KSR2: variants seen among roughly 807,000 people sequenced by gnomAD.
KSR2 encodes the protein kinase suppressor of ras 2.
In KSR2, 25 loss-of-function variants were observed where a neutral mutation model predicts 107.8. The observed-to-expected ratio is 0.23, with a 90% CI of 0.17 to 0.32. The LOEUF is 0.32. KSR2 is among the 10% of genes least tolerant of loss of function. KSR2 has a pLI of 1.00. For missense variants in KSR2, 887 were observed against 1,268.9 expected, an observed-to-expected ratio of 0.70 and a Z score of 4.57; for synonymous variants, 480 against 507.0, an observed-to-expected ratio of 0.95 and a Z score of 0.71.
chr12:117,656,636 C>T (rs1231394036), intron 5 of KSR2, among the ~76,000 whole-genome samples: 2 of 152,152 alleles, frequency 1.3e-5, no homozygotes, highest in African/African-American at 4.8e-5. Flanking sequence ...TTTGAGTCAG[C>T]GGGCTAGGGA....
intron 17 of KSR2, among the ~76,000 whole-genome samples, chr12:117,473,329 G>A (rs1012627421): frequency 2.0e-5 from 3 of 152,132 alleles, no homozygotes; most frequent in South Asian, 2.1e-4. Context: ...AAAACAGGAG[G>A]CATTATTATT....
intron 14 of KSR2, among the ~76,000 whole-genome samples, chr12:117,505,130 C>T (rs558120125): frequency 6.6e-6 from 1 of 152,116 alleles, no homozygotes; most frequent in Non-Finnish European, 1.5e-5. Flanking sequence ...ATATATACCA[C>T]ATTTTCTTTA....
chr12:117,868,876 G>A (rs1039962789), intron 1 of KSR2, among the ~76,000 whole-genome samples: 9 of 151,774 alleles, frequency 5.9e-5, no homozygotes, highest in Non-Finnish European at 5.9e-5. Context: ...TCAGCCTCCC[G>A]AGTAGGTGGG....
chr12:117,849,974 C>G (rs867321160), intron 3 of KSR2, among the ~76,000 whole-genome samples: 1 of 152,238 alleles, frequency 6.6e-6, no homozygotes. Flanking sequence ...CAATATCACC[C>G]TCAAGAAGTA....
rs140213523 is a variant in KSR2 at position 117,632,970 on chromosome 12, T to C, written c.1171+34504A>G. ...GGCATTGAGGTGGATTCCATGTCTT[T>C]GCTATTGTGAATAGTGCTGTAATGA... On this transcript the variant is annotated intron_variant, in intron 5 of 19. Coordinates refer to ENST00000339824, the MANE Select transcript of KSR2 (RefSeq NM_173598.6). Among the ~76,000 whole-genome samples the C allele has an allele frequency of 3.4e-4, 52 of 152,320 alleles. No homozygotes were observed. The East Asian group carries it at 9.8e-3, about 29-fold the overall frequency.
chr12:117,572,331 G>A (rs1047385652), intron 7 of KSR2, among the ~76,000 whole-genome samples: 2 of 152,134 alleles, frequency 1.3e-5, no homozygotes, highest in African/African-American at 4.8e-5. Flanking sequence ...AAGTATCTGG[G>A]ATGCTTAGTA....
chr12:117,929,059 C>T (rs1895619309), intron 1 of KSR2, among the ~76,000 whole-genome samples: 1 of 152,210 alleles, frequency 6.6e-6, no homozygotes, highest in Non-Finnish European at 1.5e-5. Flanking sequence ...AACCCAGCAC[C>T]ATCACCAAGT....
chr12:117,593,947 A>C (rs922461204), intron 5 of KSR2, among the ~76,000 whole-genome samples: 1 of 152,200 alleles, frequency 6.6e-6, no homozygotes, highest in African/African-American at 2.4e-5. Flanking sequence ...CCCTTCTATC[A>C]TCCTGTTCTC....
chr12:117,865,071 T>A (rs1893427771), intron 1 of KSR2, among the ~76,000 whole-genome samples: 3 of 151,318 alleles, frequency 2.0e-5, no homozygotes, highest in Admixed American at 1.3e-4. Context: ...CAAAAAATAA[T>A]AAAAATAATT....
intron 3 of KSR2, among the ~76,000 whole-genome samples, chr12:117,807,412 C>T (rs904795464): frequency 2.6e-5 from 4 of 152,082 alleles, no homozygotes; most frequent in Non-Finnish European, 4.4e-5. Flanking sequence ...TGGGTTCCAC[C>T]GAATAATACT....
chr12:117,937,090 C>T (rs371216423), intron 1 of KSR2, among the ~76,000 whole-genome samples: 3 of 152,284 alleles, frequency 2.0e-5, no homozygotes, highest in African/African-American at 7.2e-5. Context: ...TAGGGGCAAC[C>T]GGCTGCAAGG....
At chr12:117,947,258 A>AAAGAAAGAAAGAAAGAAAGAC (rs1566094758) in intron 1 of KSR2, among the ~76,000 whole-genome samples, 6 of 72,406 alleles carry the variant, frequency 8.3e-5, no homozygotes, top group Non-Finnish European at 1.1e-4. Flanking sequence ...AGAAAGAAAG[A>AAAGAAAGAAAGAAAGAAAGAC]AGATAAACCA....
At chr12:117,737,391 T>C (rs1197262613) in intron 4 of KSR2, among the ~76,000 whole-genome samples, 1 of 152,224 alleles carries the variant, frequency 6.6e-6, no homozygotes, top group African/African-American at 2.4e-5. Flanking sequence ...AGGAAATGGG[T>C]TAAGGTGGTA....
At chr12:117,554,099 A>G (rs990052096) in intron 9 of KSR2, among the ~76,000 whole-genome samples, 1 of 152,210 alleles carries the variant, frequency 6.6e-6, no homozygotes, top group African/African-American at 2.4e-5. Context: ...GACATAATGC[A>G]TGCAAGCTTT....
At chr12:117,753,947 C>CGTGTGTGTGT (rs34174404) in intron 4 of KSR2, among the ~76,000 whole-genome samples, 173 of 129,022 alleles carry the variant, frequency 1.3e-3, no homozygotes, top group Non-Finnish European at 1.6e-3. Context: ...AAGTATAGAG[C>CGTGTGTGTGT]GTGTGTGTGT....
rs1247551645 is a variant in KSR2 at position 117,456,544 on chromosome 12, G to C, written c.*10655C>G. 1 of 152,196 alleles carries C rather than the reference G, an allele frequency of 6.6e-6. No individual in the cohort carries two copies. Among genetic ancestry groups the C allele is most frequent in the Non-Finnish European group, 1.5e-5 (1 of 68,050 alleles). 9.4% of individuals were successfully genotyped at this position (152,196 alleles called of 1,614,324 possible). ...ACTTAAGCTGCCAATGCCCCAACCT[G>C]GGCAGGGCTGTGTTGGGGAGAGGTT... On this transcript the variant is annotated 3_prime_UTR_variant, in exon 20 of 20. Transcript: ENST00000339824.
chr12:117,463,032 G>A lies in KSR2; in HGVS notation c.*4167C>T, dbSNP rs570470310. 6.6e-6 allele frequency: 1 copy of A among 152,372 alleles called. No homozygotes were observed. The highest frequency in any genetic ancestry group is 2.1e-4 in the South Asian group (1 of 4,824). 9.4% of individuals were successfully genotyped at this position (152,372 alleles called of 1,614,324 possible). On this transcript the variant is annotated 3_prime_UTR_variant, in exon 20 of 20. Transcript: ENST00000339824. ...TGACACCTTGATCTTGGGACTTCCA[G>A]CCTCAAGAATTGTGAGGAATAAATT...
intron 4 of KSR2, among the ~76,000 whole-genome samples, chr12:117,730,339 T>C (rs892000344): frequency 6.6e-6 from 1 of 152,154 alleles, no homozygotes; most frequent in Non-Finnish European, 1.5e-5. Context: ...ATACTATATA[T>C]AAGGCACTTA....
intron 4 of KSR2, among the ~76,000 whole-genome samples, chr12:117,699,302 A>C (rs1267723159): frequency 6.6e-6 from 1 of 152,212 alleles, no homozygotes; most frequent in African/African-American, 2.4e-5. Flanking sequence ...CCTTTTACTG[A>C]GTATTATCCA....
Sources: allele counts gnomAD v4.1 joint callset (sites outside exome capture counted in the v4.1 genomes callset), GRCh38; gene constraint gnomAD v4.1.1; transcripts MANE v1.5; gene names NCBI Gene and HGNC (gene_info 2026-07-23, HGNC 2026-07-21).